The following ERMARD variants were observed in gnomAD, a reference collection of about 807,000 sequenced individuals.
ERMARD encodes the protein ER membrane associated RNA degradation, also known as endoplasmic reticulum membrane-associated RNA degradation protein.
ERMARD carries 71 observed loss-of-function variants against 83.9 expected under a neutral mutation model. The observed-to-expected ratio is 0.85, with a 90% CI of 0.70 to 1.03. The LOEUF is 1.03. Among genes scored for constraint, ERMARD ranks in the 50% least tolerant of loss-of-function variants. The pLI is 0.00. For missense variants in ERMARD, 838 were observed against 810.9 expected (o/e 1.03, Z -0.41); for synonymous variants, 284 against 298.6 (o/e 0.95, Z 0.50).
chr6:169,754,032 G>A lies in ERMARD; in HGVS notation c.175G>A (p.Glu59Lys), dbSNP rs780323173. Residue 59 changes from glutamate (E) to lysine (K), a missense_variant and splice_region_variant, in exon 2 of 18, where the codon GAG (glutamate) becomes AAG (lysine). Glu to Lys is a moderately conservative substitution (Grantham distance 56). Transcript: ENST00000366773. Reference protein sequence around the residue: ...ITDCVSYTESEQGLDYWGSVR... With the variant: ...ITDCVSYTESKQGLDYWGSVR... ...AGACTGTGTGAGCTACACAGAGTCAGGTTTGTGCTGTCTTTGTACTCCAAA... is the reference window on the plus strand; with the variant it reads ...AGACTGTGTGAGCTACACAGAGTCAAGTTTGTGCTGTCTTTGTACTCCAAA... 70 of 1,606,278 alleles carry A rather than the reference G, an allele frequency of 4.4e-5. No homozygotes were observed. In the Middle Eastern group the frequency reaches 5.0e-4, roughly 11 times the overall value.
chr6:169,781,294 A>G, intron 17 of ERMARD, 36 bp from the exon 18 acceptor site: 1 of 1,531,682 alleles, frequency 6.5e-7, no homozygotes, highest in Non-Finnish European at 8.7e-7. Context: ...TCATTTTATA[A>G]TGGAATGGAT....
chr6:169,758,029 G>A (rs189292311), intron 5 of ERMARD, among the ~76,000 whole-genome samples: 12 of 152,274 alleles, frequency 7.9e-5, no homozygotes, highest in African/African-American at 1.4e-4. Flanking sequence ...ACAAATTATT[G>A]GTAGAGCAAA....
intron 8 of ERMARD, among the ~76,000 whole-genome samples, chr6:169,761,404 A>G (rs1044276958): frequency 1.3e-5 from 2 of 151,916 alleles, no homozygotes; most frequent in African/African-American, 4.8e-5. Flanking sequence ...TTTTCTAGAG[A>G]TGAGGTCTCA....
At position 169,776,050 on chromosome 6, in the gene ERMARD, G is replaced by C. The variant is rs41265401; in HGVS notation, c.1505G>C (p.Arg502Pro). The C allele has an allele frequency of 1.9e-6, 3 of 1,613,742 alleles. No homozygotes were observed. Among genetic ancestry groups the C allele is most frequent in the South Asian group, 2.2e-5 (2 of 90,922 alleles). Residue 502 changes from arginine to proline, a missense_variant, in exon 15 of 18, where the codon CGT (arginine) becomes CCT (proline). Coordinates refer to ENST00000366773, the MANE Select transcript of ERMARD (RefSeq NM_018341.3). Reference sequence around the variant, plus strand: ...CGTTGTGTGTTAAAGGACTTGGATCGTCTTCCTACTGAGACGTAAGTTCCA... The same window carrying C: ...CGTTGTGTGTTAAAGGACTTGGATCCTCTTCCTACTGAGACGTAAGTTCCA... ...ENRCVLKDLDRLPTETWPQLL... is the reference protein window; with the variant it reads ...ENRCVLKDLDPLPTETWPQLL...
At chr6:169,779,854 G>C (rs1015827349) in intron 17 of ERMARD, among the ~76,000 whole-genome samples, 1 of 152,232 alleles carries the variant, frequency 6.6e-6, no homozygotes, top group Admixed American at 6.5e-5. Flanking sequence ...GGAGTCTGAA[G>C]TAGTGTGACA....
chr6:169,754,250 T>C (rs1790512191), intron 2 of ERMARD, among the ~76,000 whole-genome samples: 1 of 152,134 alleles, frequency 6.6e-6, no homozygotes, highest in Non-Finnish European at 1.5e-5. Flanking sequence ...AAACCACCTC[T>C]ACAGAGGAGG....
chr6:169,776,124 A>G, intron 15 of ERMARD, 59 bp downstream of exon 15: 1 of 1,595,422 alleles, frequency 6.3e-7, no homozygotes, highest in Admixed American at 1.8e-5. Flanking sequence ...TTAGCATAGC[A>G]AACTTAGCAT....
At chr6:169,774,152 A>G (rs1014060573) in intron 13 of ERMARD, among the ~76,000 whole-genome samples, 1 of 152,154 alleles carries the variant, frequency 6.6e-6, no homozygotes, top group Non-Finnish European at 1.5e-5. Flanking sequence ...TGGCTAACAC[A>G]GTGAAACCCC....
intron 6 of ERMARD, 87 bp downstream of exon 6, chr6:169,759,152 T>C: frequency 8.3e-7 from 1 of 1,199,124 alleles, no homozygotes; most frequent in Admixed American, 1.9e-5. Context: ...AGGAAATAGA[T>C]TTTGTGAAAG....
At position 169,766,860 on chromosome 6, in the gene ERMARD, A is replaced by G. The variant is rs563232602; in HGVS notation, c.990+193A>G. ...TTTTGGGGCCCAGTGTTACCAATCTAGCTCCCAAAGCTATCCAAAGCTCAA... is the reference window on the plus strand; with the variant it reads ...TTTTGGGGCCCAGTGTTACCAATCTGGCTCCCAAAGCTATCCAAAGCTCAA... On this transcript the variant is annotated intron_variant, in intron 10 of 17. Transcript: ENST00000366773. Among the ~76,000 whole-genome samples, 146 of 152,356 alleles carry G rather than the reference A, an allele frequency of 9.6e-4. No homozygotes were observed. The South Asian group carries it at 0.028, about 29-fold the overall frequency.
At chr6:169,779,091 G>A (rs998464220) in intron 16 of ERMARD, 91 bp from the exon 17 acceptor site, 4 of 1,087,998 alleles carry the variant, frequency 3.7e-6, no homozygotes, top group Non-Finnish European at 5.6e-6. Flanking sequence ...TGGGACTTAA[G>A]GATGTTGATT....
chr6:169,761,336 C>T (rs934391583), intron 8 of ERMARD, among the ~76,000 whole-genome samples: 1 of 152,192 alleles, frequency 6.6e-6, no homozygotes, highest in African/African-American at 2.4e-5. Context: ...CCCACCTCAG[C>T]CTCCTGAGTA....
chr6:169,754,306 C>G (rs1471012268), intron 2 of ERMARD, among the ~76,000 whole-genome samples: 1 of 152,080 alleles, frequency 6.6e-6, no homozygotes, highest in African/African-American at 2.4e-5. Context: ...TGATGTAGAT[C>G]TCAGGGCCTT....
At chr6:169,766,258 CA>C (rs1293703827) in intron 9 of ERMARD, among the ~76,000 whole-genome samples, 2 of 152,196 alleles carry the variant, frequency 1.3e-5, no homozygotes, top group Non-Finnish European at 2.9e-5. Context: ...TAAAAACAGA[CA>C]AGGCTATTCA....
upstream of ERMARD, chr6:169,751,502 C>A (rs1443759359): frequency 6.2e-7 from 1 of 1,611,206 alleles, no homozygotes; most frequent in Non-Finnish European, 8.5e-7. Flanking sequence ...CCTTCACCGC[C>A]GGCGGTCAAA....
At chr6:169,755,225 A>G (rs997311009) in intron 2 of ERMARD, 58 bp from the exon 3 acceptor site, 2 of 1,555,632 alleles carry the variant, frequency 1.3e-6, no homozygotes, top group Non-Finnish European at 1.7e-6. Context: ...TGATGTAGAT[A>G]TTTTATATCA....
At chr6:169,758,356 T>C (rs976286649) in intron 5 of ERMARD, among the ~76,000 whole-genome samples, 38 of 152,222 alleles carry the variant, frequency 2.5e-4, no homozygotes, top group African/African-American at 7.2e-4. Flanking sequence ...GGGCATGACA[T>C]GACTGCAGTC....
At chr6:169,759,134 T>G (rs1791203039) in intron 6 of ERMARD, 69 bp downstream of exon 6, 1 of 1,311,638 alleles carries the variant, frequency 7.6e-7, no homozygotes, top group African/African-American at 1.5e-5. Flanking sequence ...ATTTTGAATT[T>G]CATGAGAAGG....
At chr6:169,770,411 A>G (rs1426321247) in intron 12 of ERMARD, 1 of 152,098 alleles carries the variant, frequency 6.6e-6, no homozygotes, top group Non-Finnish European at 1.5e-5. Flanking sequence ...TCTTTTTGTC[A>G]GCTGTTTGAT....
Sources: allele counts gnomAD v4.1 joint callset (sites outside exome capture counted in the v4.1 genomes callset), GRCh38; gene constraint gnomAD v4.1.1; transcripts MANE v1.5; gene names NCBI Gene and HGNC (gene_info 2026-07-23, HGNC 2026-07-21).